The following ARHGAP22 variants were observed in gnomAD, a reference collection of about 807,000 sequenced individuals.
ARHGAP22 encodes Rho GTPase activating protein 22.
ARHGAP22 carries 48 observed loss-of-function variants against 59.1 expected under a neutral mutation model. The ratio of observed to expected loss-of-function variants is 0.81; its 90% CI spans 0.64 to 1.03. ARHGAP22 has a LOEUF of 1.03. ARHGAP22 is among the 50% of genes least tolerant of loss of function. The pLI, the probability that ARHGAP22 is intolerant of heterozygous loss-of-function variation, is 0.00. For synonymous variants in ARHGAP22, 445 were observed against 416.4 expected, an observed-to-expected ratio of 1.07 and a Z score of -0.84; for missense variants, 1,015 against 958.7, an observed-to-expected ratio of 1.06 and a Z score of -0.78.
At chr10:48,608,988 C>T (rs2060779686), upstream of ARHGAP22, among the ~76,000 whole-genome samples, 2 of 152,328 alleles carry the variant, frequency 1.3e-5, no homozygotes, top group East Asian at 1.9e-4. Context: ...CCATGCATCT[C>T]TTCTCAACTC....
intron 3 of ARHGAP22, chr10:48,493,470 C>T: frequency 6.5e-7 from 1 of 1,536,118 alleles, no homozygotes; most frequent in South Asian, 1.2e-5. Flanking sequence ...TCTTCAGACA[C>T]CTGATGGGCC....
At chr10:48,558,237 C>A (rs376122656) in intron 2 of ARHGAP22, among the ~76,000 whole-genome samples, 1 of 152,036 alleles carries the variant, frequency 6.6e-6, no homozygotes. Flanking sequence ...AGACATAGTA[C>A]GTGAAGTCAT....
intron 1 of ARHGAP22, among the ~76,000 whole-genome samples, chr10:48,647,734 T>C (rs1200799524): frequency 3.3e-5 from 5 of 152,240 alleles, no homozygotes; most frequent in Non-Finnish European, 4.4e-5. Context: ...AGCATATGCA[T>C]GTGAATGCTC....
At chr10:48,468,871 G>A (rs2133931112) in intron 4 of ARHGAP22, among the ~76,000 whole-genome samples, 1 of 152,286 alleles carries the variant, frequency 6.6e-6, no homozygotes, top group East Asian at 1.9e-4. Flanking sequence ...GAGCTCAGGT[G>A]AACATGAGGG....
the ARHGAP22 span, chr10:48,437,974 C>T: frequency 3.3e-5 from 5 of 152,366 alleles, no homozygotes; most frequent in East Asian, 7.7e-4. Context: ...AAGTGAAGCT[C>T]TTTCCTTGGT....
At chr10:48,467,495 C>T (rs1452358083) in intron 4 of ARHGAP22, among the ~76,000 whole-genome samples, 3 of 151,400 alleles carry the variant, frequency 2.0e-5, no homozygotes, top group Admixed American at 2.0e-4. Context: ...TTATTTCACA[C>T]AGTAGCTGAC....
At chr10:48,635,596 A>G (rs2061785017) in intron 1 of ARHGAP22, among the ~76,000 whole-genome samples, 2 of 151,950 alleles carry the variant, frequency 1.3e-5, no homozygotes, top group African/African-American at 4.8e-5. Context: ...GGGCCGGGTA[A>G]CCCCCACCCT....
At chr10:48,519,102 G>A (rs1409098983) in intron 3 of ARHGAP22, among the ~76,000 whole-genome samples, 1 of 152,184 alleles carries the variant, frequency 6.6e-6, no homozygotes, top group Non-Finnish European at 1.5e-5. Flanking sequence ...GACAGGAGCA[G>A]AGACGGAATG....
At chr10:48,451,670 C>G (rs1374385037) in intron 8 of ARHGAP22, 2 of 624,122 alleles carry the variant, frequency 3.2e-6, no homozygotes, top group Non-Finnish European at 5.7e-6. Context: ...CCTAAAATAC[C>G]CCCCACAATC....
chr10:48,622,073 T>C lies in ARHGAP22; in HGVS notation c.52+30161A>G, dbSNP rs950737286. 1.2e-4 allele frequency among the ~76,000 whole-genome samples: 19 copies of C among 152,346 alleles called. No individual in the cohort carries two copies. The East Asian group carries it at 2.3e-3, about 19-fold the overall frequency. ...CTAGACAGCATATTGTTGGATCATG[T>C]GGCTTTTTAAAAATCCATCTTGCTT... is the stretch of plus-strand genomic sequence containing the variant. On this transcript the variant is annotated intron_variant, in intron 1 of 9. Coordinates refer to the ARHGAP22 transcript ENST00000435790.
rs1474604770 is a variant in ARHGAP22 at position 48,450,977 on chromosome 10, G to A, written c.1152C>T (p.Gly384=). Residue 384 remains glycine (G), a synonymous_variant, in exon 9 of 10, where the codon GGC becomes GGT. Coordinates refer to ENST00000249601, the MANE Select transcript of ARHGAP22 (RefSeq NM_021226.4). ...EVTRDSQGEP[G]GPGLPAHRTS... is the part of the protein sequence containing the mutation. ...TCCTGTGCGCGGGCAGGCCGGGGCC[G>A]CCGGGCTCTCCTTGGCTGTCCCTGG... 1.9e-6 allele frequency: 3 copies of A among 1,564,464 alleles called. No individual in the cohort carries two copies. Among genetic ancestry groups the A allele is most frequent in the African/African-American group, 2.7e-5 (2 of 73,622 alleles).
chr10:48,602,872 C>T (rs11595923), intron 1 of ARHGAP22, among the ~76,000 whole-genome samples: 28,093 of 152,182 alleles, frequency 0.18, 3,176 homozygotes, highest in Middle Eastern at 0.34. Context: ...GGAAGACTTC[C>T]CTGGCTGGCA....
chr10:48,598,014 CT>C (rs2060169235), intron 1 of ARHGAP22, among the ~76,000 whole-genome samples: 1 of 152,226 alleles, frequency 6.6e-6, no homozygotes. Context: ...TTATCCCCTC[CT>C]TCAAACAATA....
At chr10:48,606,188 C>G (rs1489710248), upstream of ARHGAP22, among the ~76,000 whole-genome samples, 1 of 152,206 alleles carries the variant, frequency 6.6e-6, no homozygotes, top group Admixed American at 6.5e-5. Flanking sequence ...ACCCTCCACA[C>G]TCCCTCGAGT....
chr10:48,596,643 C>T (rs187423339), intron 1 of ARHGAP22, among the ~76,000 whole-genome samples: 30 of 152,318 alleles, frequency 2.0e-4, no homozygotes, highest in Admixed American at 5.9e-4. Flanking sequence ...TTAGGAGAGA[C>T]CATACCCTAA....
At chr10:48,487,386 G>A (rs1393109725) in intron 3 of ARHGAP22, among the ~76,000 whole-genome samples, 1 of 152,176 alleles carries the variant, frequency 6.6e-6, no homozygotes, top group Non-Finnish European at 1.5e-5. Flanking sequence ...TTGCTAATCA[G>A]CTGGCTGCTT....
chr10:48,613,757 G>A (rs1027155522), intron 1 of ARHGAP22, among the ~76,000 whole-genome samples: 16 of 152,098 alleles, frequency 1.1e-4, no homozygotes, highest in African/African-American at 3.1e-4. Context: ...GAAGGAGGAC[G>A]AAAGTTTACT....
intron 3 of ARHGAP22, chr10:48,511,514 A>C (rs1051388095): frequency 3.3e-5 from 5 of 152,392 alleles, no homozygotes; most frequent in African/African-American, 1.2e-4. Context: ...GAGGAAGCAG[A>C]AACAACCTAA....
chr10:48,589,575 C>T (rs747350755), intron 1 of ARHGAP22, among the ~76,000 whole-genome samples: 8 of 152,184 alleles, frequency 5.3e-5, no homozygotes, highest in Non-Finnish European at 8.8e-5. Flanking sequence ...TCCCCATTCT[C>T]ATCCAGGGCT....
Sources: gnomAD v4.1 joint callset for allele counts (sites outside exome capture counted in the v4.1 genomes callset) on GRCh38, gnomAD v4.1.1 for gene constraint, MANE v1.5 for transcripts, NCBI Gene and HGNC (gene_info 2026-07-23, HGNC 2026-07-21) for gene names.